The following MRPL42 variants were observed in gnomAD, a reference collection of about 807,000 sequenced individuals.
MRPL42 encodes large ribosomal subunit protein mL42.
A neutral mutation model predicts 17.9 loss-of-function variants in MRPL42; 17 were observed. That is an observed-to-expected ratio of 0.95 (90% CI 0.65 to 1.42). MRPL42 has a LOEUF of 1.42. Ranked by LOEUF, MRPL42 falls within the 40% of genes most tolerant of loss-of-function variation. The probability of loss-of-function intolerance (pLI) is 0.00; values close to 1 mark genes in which losing one functional copy is unlikely to be tolerated. For missense variants in MRPL42, 177 were observed against 175.2 expected (o/e 1.01, Z -0.06); for synonymous variants, 59 against 54.4 (o/e 1.08, Z -0.37).
At chr12:93,490,450 A>G (rs1953390444) in intron 5 of MRPL42, among the ~76,000 whole-genome samples, 2 of 152,220 alleles carry the variant, frequency 1.3e-5, no homozygotes, top group South Asian at 2.1e-4. Context: ...GTTTATGTGT[A>G]TAAAGAGAAA....
chr12:93,482,856 G>T (rs1233931940), intron 4 of MRPL42, among the ~76,000 whole-genome samples: 1 of 151,572 alleles, frequency 6.6e-6, no homozygotes, highest in Admixed American at 6.6e-5. Context: ...AAAGTGCCGG[G>T]CTTACAAGCA....
At chr12:93,482,553 G>A (rs1023300703) in intron 4 of MRPL42, among the ~76,000 whole-genome samples, 2 of 151,716 alleles carry the variant, frequency 1.3e-5, no homozygotes, top group Admixed American at 1.3e-4. Flanking sequence ...TTGTTTTAGG[G>A]CTAAGAGACA....
At position 93,505,097 on chromosome 12, in the gene MRPL42, A is replaced by G. The variant is rs1404612125; in HGVS notation, c.*3876A>G. ...ATATGTGTTTTCCTGGGGATAGAGT[A>G]TGTAGTTTCTCAGCAACTCATTACA... On this transcript the variant is annotated 3_prime_UTR_variant, in exon 6 of 6. Transcript: ENST00000549982. 6.6e-6 allele frequency: 1 copy of G among 152,194 alleles called. No individual in the cohort carries two copies. The highest frequency in any genetic ancestry group is 6.5e-5 in the Admixed American group (1 of 15,276). 9.4% of individuals were successfully genotyped at this position (152,194 alleles called of 1,614,324 possible). A position where few individuals can be genotyped will look rare whatever the true frequency, so the allele number is the denominator to read the frequency against.
chr12:93,499,404 G>C (rs1401573139), intron 5 of MRPL42, among the ~76,000 whole-genome samples: 2 of 152,064 alleles, frequency 1.3e-5, no homozygotes, highest in Non-Finnish European at 1.5e-5. Context: ...ACTTCATTGA[G>C]AGTCTGATAA....
intron 4 of MRPL42, among the ~76,000 whole-genome samples, chr12:93,484,977 CACATATATATAT>C (rs1449905258): frequency 2.4e-4 from 7 of 28,602 alleles, no homozygotes; most frequent in East Asian, 1.7e-3. Flanking sequence ...CACACACACA[CACATATATATAT>C]ATATATATAT....
chr12:93,476,903 A>G, intron 2 of MRPL42, 51 bp from the exon 3 acceptor site: 1 of 1,500,284 alleles, frequency 6.7e-7, no homozygotes, highest in Non-Finnish European at 9.3e-7. Flanking sequence ...ATTTATGGAG[A>G]AAATATGCTC....
chr12:93,510,363 T>G lies in MRPL42; in HGVS notation c.*9142T>G, dbSNP rs932499341. Reference sequence around the variant, plus strand: ...CCTGCTGAAGGACATCTTGGTTGATTGCTTCCAAGTTTTGGCAATTATGAA... The same window carrying G: ...CCTGCTGAAGGACATCTTGGTTGATGGCTTCCAAGTTTTGGCAATTATGAA... On this transcript the variant is annotated 3_prime_UTR_variant, in exon 6 of 6. Transcript: ENST00000549982. The G allele has an allele frequency of 3.3e-5, 5 of 152,244 alleles. No homozygotes were observed. Among genetic ancestry groups the G allele is most frequent in the African/African-American group, 1.2e-4 (5 of 41,470 alleles). The allele number at this position is 152,244 out of a possible 1,614,324, so 9.4% of individuals were successfully genotyped here.
In MRPL42 at chr12:93,510,511, A is replaced by G. The variant is rs1217750752; in HGVS notation, c.*9290A>G. On this transcript the variant is annotated 3_prime_UTR_variant, in exon 6 of 6. Coordinates refer to ENST00000549982, the MANE Select transcript of MRPL42 (RefSeq NM_014050.4). ...GCTAAGAGAATGTTTCGTTTTGTAA[A>G]AAACCACCAAACTGTCCTACAGAGA... 1.3e-5 allele frequency: 2 copies of G among 152,238 alleles called. No homozygotes were observed. Among genetic ancestry groups the G allele is most frequent in the East Asian group, 3.9e-4 (2 of 5,188 alleles). The allele number at this position is 152,238 out of a possible 1,614,324, so 9.4% of individuals were successfully genotyped here.
chr12:93,500,274 A>G (rs902779969), intron 5 of MRPL42, among the ~76,000 whole-genome samples: 5 of 152,198 alleles, frequency 3.3e-5, no homozygotes, highest in African/African-American at 1.2e-4. Flanking sequence ...AAGAGGAATT[A>G]CTAGGTCAAA....
At position 93,512,719 on chromosome 12, in the gene MRPL42, C is replaced by T. The variant is rs545873846; in HGVS notation, c.*11498C>T. 5 of 152,288 alleles carry T rather than the reference C, an allele frequency of 3.3e-5. No homozygotes were observed. The highest frequency in any genetic ancestry group is 1.2e-4 in the African/African-American group (5 of 41,552). The allele number at this position is 152,288 out of a possible 1,614,324, so 9.4% of individuals were successfully genotyped here. Reference sequence around the variant, plus strand: ...GAAGTTGGTGATTGTCTTGATATTGCACATCTGTAAGAAGTAATCAAACTA... The same window carrying T: ...GAAGTTGGTGATTGTCTTGATATTGTACATCTGTAAGAAGTAATCAAACTA... On this transcript the variant is annotated 3_prime_UTR_variant, in exon 6 of 6. Transcript: ENST00000549982.
chr12:93,489,385 C>T (rs1008965333), intron 5 of MRPL42, among the ~76,000 whole-genome samples: 1 of 152,196 alleles, frequency 6.6e-6, no homozygotes, highest in South Asian at 2.1e-4. Flanking sequence ...TAAGAAGCCC[C>T]TTTCTTAATA....
Position 93,486,978 on chromosome 12 carries a change from T to C in MRPL42, c.220-519T>C, listed in dbSNP as rs553805792. Among the ~76,000 whole-genome samples the C allele has an allele frequency of 5.3e-5, 8 of 151,692 alleles. No individual in the cohort carries two copies. The East Asian group carries it at 1.6e-3, about 30-fold the overall frequency. ...CACACCCGGCCTTTCTATTTTTCTT[T>C]CTCTTTTTTGAGACAGGGTTTCACT... On this transcript the variant is annotated intron_variant, in intron 4 of 5. Coordinates refer to ENST00000549982, the MANE Select transcript of MRPL42 (RefSeq NM_014050.4).
At chr12:93,475,058 T>G (rs1445704219) in intron 2 of MRPL42, among the ~76,000 whole-genome samples, 1 of 151,986 alleles carries the variant, frequency 6.6e-6, no homozygotes, top group East Asian at 1.9e-4. Context: ...GACAACTCTT[T>G]CTTCTGTGAA....
In MRPL42 at chr12:93,502,245, A is replaced by C. The variant is rs184467154; in HGVS notation, c.*1024A>C. 13 of 152,326 alleles carry C rather than the reference A, an allele frequency of 8.5e-5. No individual in the cohort carries two copies. The highest frequency in any genetic ancestry group is 3.1e-4 in the African/African-American group (13 of 41,574). The allele number at this position is 152,326 out of a possible 1,614,324, so 9.4% of individuals were successfully genotyped here. On this transcript the variant is annotated 3_prime_UTR_variant, in exon 6 of 6. Coordinates refer to ENST00000549982, the MANE Select transcript of MRPL42 (RefSeq NM_014050.4). ...GCTCTGTGATTAAAATGTTAAGGTC[A>C]CTAGAATAGTGTTAGGAAAATGTTA...
intron 5 of MRPL42, among the ~76,000 whole-genome samples, chr12:93,496,735 A>G (rs532202370): frequency 5.2e-4 from 79 of 151,548 alleles, no homozygotes; most frequent in African/African-American, 1.8e-3. Context: ...GTTAAAAGTA[A>G]TACAGAAATG....
Position 93,474,393 on chromosome 12 carries a change from C to T in MRPL42, c.71-2561C>T, listed in dbSNP as rs551153489. On this transcript the variant is annotated intron_variant, in intron 2 of 5. Transcript: ENST00000549982. ...GGATCAAGCGATCCTGCTGCCTTGG[C>T]CTCGCAAAGCGCTGAGATTACAGGA... Among the ~76,000 whole-genome samples the T allele has an allele frequency of 2.0e-5, 3 of 150,652 alleles. No individual in the cohort carries two copies. The South Asian group carries it at 6.3e-4, about 32-fold the overall frequency.
At chr12:93,476,535 T>C (rs544291433) in intron 2 of MRPL42, among the ~76,000 whole-genome samples, 3 of 152,230 alleles carry the variant, frequency 2.0e-5, no homozygotes, top group Non-Finnish European at 4.4e-5. Flanking sequence ...TTTTCTTACC[T>C]GGAGTCCTTG....
chr12:93,482,356 A>T (rs1880504538), intron 4 of MRPL42, among the ~76,000 whole-genome samples: 1 of 152,044 alleles, frequency 6.6e-6, no homozygotes, highest in South Asian at 2.1e-4. Flanking sequence ...TTTCTAGCAT[A>T]CTGGATGTTT....
At chr12:93,474,552 A>T (rs1316771111) in intron 2 of MRPL42, among the ~76,000 whole-genome samples, 2 of 152,130 alleles carry the variant, frequency 1.3e-5, no homozygotes, top group Admixed American at 1.3e-4. Flanking sequence ...CTTCAGCTTC[A>T]GCCACCTGAG....
Sources: allele counts gnomAD v4.1 joint callset (sites outside exome capture counted in the v4.1 genomes callset), GRCh38; gene constraint gnomAD v4.1.1; transcripts MANE v1.5; gene names NCBI Gene and HGNC (gene_info 2026-07-23, HGNC 2026-07-21).